The following NGFR variants were observed in gnomAD, a reference collection of about 807,000 sequenced individuals.
The protein encoded by NGFR is nerve growth factor receptor.
NGFR carries 30 observed loss-of-function variants against 43.2 expected under a neutral mutation model. The observed-to-expected ratio is 0.69, with a 90% confidence interval of 0.52 to 0.94. NGFR has a LOEUF of 0.94. Among genes scored for constraint, NGFR ranks in the 40% least tolerant of loss-of-function variants. The pLI is 0.00. For synonymous variants in NGFR, 246 were observed against 259.6 expected (o/e 0.95, Z 0.50); for missense variants, 529 against 602.5 (o/e 0.88, Z 1.28).
chr17:49,508,046 G>A (rs976360273), intron 3 of NGFR, among the ~76,000 whole-genome samples: 6 of 152,240 alleles, frequency 3.9e-5, no homozygotes, highest in South Asian at 2.1e-4. Flanking sequence ...GGGCTGTTAC[G>A]CTGGGCTAAG....
rs151178709 is a variant in NGFR, at chr17:49,512,910, C to T, written c.1185C>T (p.Ser395=). 4,535 of 1,612,662 alleles carry T rather than the reference C, an allele frequency of 2.8e-3. 11 individuals carry two copies. The highest frequency in any genetic ancestry group is 6.8e-3 in the Middle Eastern group (41 of 6,054). ...ALLASWATQD[S]ATLDALLAAL... ...TTGCAAGCTGGGCCACCCAGGACAGCGCCACACTGGACGCCCTCCTGGCCG... is the reference window on the plus strand; with the variant it reads ...TTGCAAGCTGGGCCACCCAGGACAGTGCCACACTGGACGCCCTCCTGGCCG... Residue 395 remains serine (S), a synonymous_variant, in exon 6 of 6, where the codon AGC becomes AGT. Transcript: ENST00000172229. The surrounding 1 kb of genome is among the most constrained non-coding windows in gnomAD (Gnocchi z 5.2).
chr17:49,506,681 G>GCCCC, intron 3 of NGFR, 23 bp downstream of exon 3: 1 of 1,174,582 alleles, frequency 8.5e-7, no homozygotes. Flanking sequence ...CGGGGGGCGG[G>GCCCC]GGGAGTGGGG....
Position 49,502,003 on chromosome 17 carries a change from C to T in NGFR, c.67-60C>T, listed in dbSNP as rs1057267697. 10 of 297,224 alleles carry T rather than the reference C, an allele frequency of 3.4e-5. 2 individuals are homozygous for T. The highest frequency in any genetic ancestry group is 1.1e-3 in the Middle Eastern group (2 of 1,746). 18.4% of individuals were successfully genotyped at this position (297,224 alleles called of 1,614,324 possible). On this transcript the variant is annotated intron_variant, in intron 1 of 5. Coordinates refer to ENST00000172229, the MANE Select transcript of NGFR (RefSeq NM_002507.4). ...GGGTGTTTGATTCCCCGGAAGAACC[C>T]CCCCCAACCCACCCCAGCTTTCTCT...
chr17:49,495,347 G>A lies in NGFR; in HGVS notation c.-71G>A. 1 of 1,116,824 alleles carries A rather than the reference G, an allele frequency of 9.0e-7. No homozygotes were observed. The allele number at this position is 1,116,824 out of a possible 1,614,324, so 69.2% of individuals were successfully genotyped here. On this transcript the variant is annotated 5_prime_UTR_variant, in exon 1 of 6. Coordinates refer to ENST00000172229, the MANE Select transcript of NGFR (RefSeq NM_002507.4). The surrounding 1 kb of genome is among the most constrained non-coding windows in gnomAD (Gnocchi z 6.4). The stretch of plus-strand genomic sequence containing the variant: ...CGGGCAGGGGGGGCGCTGGAGCGCA[G>A]CGCAGCGCAGCCCCATCAGTCCGCA...
In NGFR at chr17:49,502,232, G is replaced by A. The variant is rs2071171367; in HGVS notation, c.208+28G>A. The A allele has an allele frequency of 1.9e-6, 3 of 1,574,738 alleles. No homozygotes were observed. In the South Asian group the frequency reaches 3.4e-5, roughly 18 times the overall value. On this transcript the variant is annotated intron_variant, in intron 2 of 5. Transcript: ENST00000172229. ...GAGTAGAGGGTGGCGGGCAGGAGGA[G>A]GGGAGAAGAATGGGAGGGAGGAGAG...
chr17:49,502,900 C>CCTTT (rs1038397011), intron 2 of NGFR, among the ~76,000 whole-genome samples: 1 of 146,186 alleles, frequency 6.8e-6, no homozygotes, highest in Non-Finnish European at 1.5e-5. Flanking sequence ...ACCTTTCTTT[C>CCTTT]CTTTCTTTCC....
chr17:49,509,288 G>A (rs1232211188), intron 3 of NGFR, among the ~76,000 whole-genome samples: 1 of 152,204 alleles, frequency 6.6e-6, no homozygotes, highest in African/African-American at 2.4e-5. Flanking sequence ...TGGGCAAAGT[G>A]GGGGCTGGGA....
rs762137015 is a variant in NGFR, at chr17:49,512,685, ACT to A, written c.983-19_983-18del. 3.2e-6 allele frequency: 5 copies of A among 1,553,012 alleles called. No homozygotes were observed. The highest frequency in any genetic ancestry group is 4.4e-6 in the Non-Finnish European group (5 of 1,147,744). On this transcript the variant is annotated intron_variant, in intron 5 of 5. Coordinates refer to ENST00000172229, the MANE Select transcript of NGFR (RefSeq NM_002507.4). This position sits in a 1 kb window ranked among gnomAD's most constrained non-coding sequence, Gnocchi z 5.2. ...GAAAGGAGTTCAGGGGTAGGACCTG[ACT>A]CTCCTCTGGTTTCTCTGCAGCCCTC...
Position 49,502,052 on chromosome 17 carries a change from C to A in NGFR, c.67-11C>A, listed in dbSNP as rs1449436152. The A allele has an allele frequency of 7.3e-7, 1 of 1,362,786 alleles. No individual in the cohort carries two copies. The allele number at this position is 1,362,786 out of a possible 1,614,324, so 84.4% of individuals were successfully genotyped here. On this transcript the variant is annotated splice_polypyrimidine_tract_variant and intron_variant, in intron 1 of 5. Transcript: ENST00000172229. Reference sequence around the variant, plus strand: ...CTTGCCAGTCTGACCCTCCGATCTCCCTCCATCCAGGTGTCCCTTGGAGGT... The same window carrying A: ...CTTGCCAGTCTGACCCTCCGATCTCACTCCATCCAGGTGTCCCTTGGAGGT...
intron 4 of NGFR, 85 bp from the exon 5 acceptor site, chr17:49,511,807 C>T (rs916871817): frequency 1.4e-6 from 2 of 1,420,496 alleles, no homozygotes; most frequent in African/African-American, 1.5e-5. Flanking sequence ...GCCCCTGGCC[C>T]TCACACGGCA....
chr17:49,512,969 AGAGTCTGTGCAGT>A lies in NGFR; in HGVS notation c.1250_1262del (p.Leu417ProfsTer45), dbSNP rs765179232. ...CGCATCCAGCGAGCCGACCTCGTGG[AGAGTCTGTGCAGT>A]GAGTCCACTGCCACATCCCCGGTGT... is the stretch of plus-strand genomic sequence containing the variant. On this transcript the variant is annotated frameshift_variant, in exon 6 of 6. Coordinates refer to ENST00000172229, the MANE Select transcript of NGFR (RefSeq NM_002507.4). LOFTEE classifies it high-confidence loss of function. The surrounding 1 kb of genome is among the most constrained non-coding windows in gnomAD (Gnocchi z 5.2). 1 of 1,605,392 alleles carries A rather than the reference AGAGTCTGTGCAGT, an allele frequency of 6.2e-7. No individual in the cohort carries two copies. The highest frequency in any genetic ancestry group is 1.1e-5 in the South Asian group (1 of 90,202).
chr17:49,506,626 A>G lies in NGFR; in HGVS notation c.536A>G (p.Glu179Gly), dbSNP rs1283174005. ...VCEDTERQLR[E>G]CTRWADAECE... is the part of the protein sequence containing the mutation. ...GAGGACACCGAGCGCCAGCTCCGCG[A>G]GTGCACACGCTGGGCCGACGCCGAG... Residue 179 changes from glutamate (E) to glycine (G), a missense_variant, in exon 3 of 6, where the codon GAG (glutamate) becomes GGG (glycine). By Grantham distance (98) the Glu-to-Gly change is moderately conservative. Transcript: ENST00000172229. 4 of 1,529,990 alleles carry G rather than the reference A, an allele frequency of 2.6e-6. No individual in the cohort carries two copies. The highest frequency in any genetic ancestry group is 2.7e-6 in the Non-Finnish European group (3 of 1,131,770). The allele number at this position is 1,529,990 out of a possible 1,614,324, so 94.8% of individuals were successfully genotyped here.
At chr17:49,511,711 C>T (rs1268346406) in intron 4 of NGFR, among the ~76,000 whole-genome samples, 181 bp from the exon 5 acceptor site, 1 of 152,184 alleles carries the variant, frequency 6.6e-6, no homozygotes, top group Non-Finnish European at 1.5e-5. Context: ...CCTCTGCCCT[C>T]ATGGAGCTTT....
intron 2 of NGFR, among the ~76,000 whole-genome samples, chr17:49,504,537 A>G (rs1869447895): frequency 6.6e-6 from 1 of 152,136 alleles, no homozygotes; most frequent in Non-Finnish European, 1.5e-5. Flanking sequence ...GTGACTGCAG[A>G]TATTGCTCCT....
chr17:49,495,732 G>A lies in NGFR; in HGVS notation c.66+249G>A, dbSNP rs561946896. Reference sequence around the variant, plus strand: ...GATGCCGGTCCTCAGGTACCGCAGGGGGCGGTGGGGGAGCTGGGAGGGGTC... The same window carrying A: ...GATGCCGGTCCTCAGGTACCGCAGGAGGCGGTGGGGGAGCTGGGAGGGGTC... On this transcript the variant is annotated intron_variant, in intron 1 of 5. Coordinates refer to ENST00000172229, the MANE Select transcript of NGFR (RefSeq NM_002507.4). This position sits in a 1 kb window ranked among gnomAD's most constrained non-coding sequence, Gnocchi z 6.4. 1 of 393,774 alleles carries A rather than the reference G, an allele frequency of 2.5e-6. No homozygotes were observed. The highest frequency in any genetic ancestry group is 2.1e-5 in the African/African-American group (1 of 48,620). The allele number at this position is 393,774 out of a possible 1,614,324, so 24.4% of individuals were successfully genotyped here.
rs533103362 is a variant in NGFR, at chr17:49,512,649, C to T, written c.983-59C>T. 9 of 1,517,754 alleles carry T rather than the reference C, an allele frequency of 5.9e-6. No homozygotes were observed. Among genetic ancestry groups the T allele is most frequent in the South Asian group, 1.3e-5 (1 of 76,476 alleles). The allele number at this position is 1,517,754 out of a possible 1,614,324, so 94.0% of individuals were successfully genotyped here. On this transcript the variant is annotated intron_variant, in intron 5 of 5. Coordinates refer to ENST00000172229, the MANE Select transcript of NGFR (RefSeq NM_002507.4). The surrounding 1 kb of genome is among the most constrained non-coding windows in gnomAD (Gnocchi z 5.2). ...CCCTTCTTGGGTCTCACCCCAGTGC[C>T]CACTGTTGGGGAAAGGAGTTCAGGG...
At chr17:49,501,184 CTG>C (rs1358066329) in intron 1 of NGFR, among the ~76,000 whole-genome samples, 8 of 152,234 alleles carry the variant, frequency 5.3e-5, no homozygotes, top group Non-Finnish European at 1.2e-4. Flanking sequence ...TGGCAGGAAC[CTG>C]ACTCCCCTTT....
intron 1 of NGFR, 64 bp from the exon 2 acceptor site, chr17:49,501,999 A>ATGGGGCC: frequency 2.5e-4 from 84 of 330,966 alleles, no homozygotes; most frequent in Middle Eastern, 5.6e-4. Flanking sequence ...TCCCCGGAAG[A>ATGGGGCC]ACCCCCCCCA....
intron 1 of NGFR, among the ~76,000 whole-genome samples, chr17:49,501,533 T>TA (rs1377842659): frequency 6.6e-6 from 1 of 152,216 alleles, no homozygotes; most frequent in Non-Finnish European, 1.5e-5. Flanking sequence ...ATTTATTATT[T>TA]AATATGTGGA....
Sources: gnomAD v4.1 joint callset for allele counts (sites outside exome capture counted in the v4.1 genomes callset) on GRCh38, gnomAD v4.1.1 for gene constraint, Gnocchi (gnomAD v3.1) non-coding constraint, MANE v1.5 for transcripts, NCBI Gene and HGNC (gene_info 2026-07-23, HGNC 2026-07-21) for gene names.